The following NUBPL variants were observed in gnomAD, a reference collection of about 807,000 sequenced individuals.
NUBPL encodes the protein NUBP iron-sulfur cluster assembly factor, mitochondrial, also known as iron-sulfur cluster transfer protein NUBPL.
A neutral mutation model predicts 45.7 loss-of-function variants in NUBPL; 31 were observed. The ratio of observed to expected loss-of-function variants is 0.68; its 90% confidence interval spans 0.51 to 0.92. The LOEUF (loss-of-function observed/expected upper bound fraction) is 0.92, where lower values mean the gene tolerates loss of function less well. Among genes scored for constraint, NUBPL ranks in the 40% least tolerant of loss-of-function variants. The pLI, the probability that NUBPL is intolerant of heterozygous loss-of-function variation, is 0.00. For synonymous variants in NUBPL, 144 were observed against 140.9 expected, an observed-to-expected ratio of 1.02 and a Z score of -0.15; for missense variants, 401 against 398.7, an observed-to-expected ratio of 1.01 and a Z score of -0.05.
intron 6 of NUBPL, among the ~76,000 whole-genome samples, chr14:31,779,132 G>A (rs538069807): frequency 1.1e-3 from 169 of 151,926 alleles, no homozygotes; most frequent in African/African-American, 3.5e-3. Flanking sequence ...ACCTGAGGTC[G>A]TGAGTTTGAG....
chr14:31,620,418 A>G (rs766474819), intron 4 of NUBPL, among the ~76,000 whole-genome samples: 11 of 152,066 alleles, frequency 7.2e-5, no homozygotes, highest in Non-Finnish European at 1.5e-4. Context: ...TTGTGGATTT[A>G]TCTACCTTTT....
chr14:31,656,919 AG>A (rs1484692139), intron 4 of NUBPL, among the ~76,000 whole-genome samples: 1 of 152,250 alleles, frequency 6.6e-6, no homozygotes, highest in Non-Finnish European at 1.5e-5. Context: ...ATAAAACAAA[AG>A]TATGCCTGTA....
At chr14:31,594,765 T>C (rs936600280) in intron 3 of NUBPL, among the ~76,000 whole-genome samples, 5 of 152,228 alleles carry the variant, frequency 3.3e-5, no homozygotes, top group Admixed American at 6.5e-5. Flanking sequence ...ATTCTTATGA[T>C]TGGCAGCTTG....
chr14:31,805,256 C>T (rs1159592369), intron 7 of NUBPL, among the ~76,000 whole-genome samples: 1 of 152,002 alleles, frequency 6.6e-6, no homozygotes, highest in Admixed American at 6.6e-5. Flanking sequence ...AATACAAAGT[C>T]GAAAAATAAC....
At chr14:31,663,099 T>C (rs562110580) in intron 4 of NUBPL, among the ~76,000 whole-genome samples, 1 of 152,378 alleles carries the variant, frequency 6.6e-6, no homozygotes, top group East Asian at 1.9e-4. Context: ...GTTTTTTTCT[T>C]GTAAATTTGT....
intron 6 of NUBPL, among the ~76,000 whole-genome samples, chr14:31,704,412 C>T (rs911272951): frequency 6.6e-6 from 1 of 152,122 alleles, no homozygotes; most frequent in Non-Finnish European, 1.5e-5. Flanking sequence ...GCCTGTAATC[C>T]CAGCACATTG....
intron 8 of NUBPL, among the ~76,000 whole-genome samples, chr14:31,841,957 G>A (rs1222365942): frequency 6.6e-5 from 4 of 60,984 alleles, no homozygotes; most frequent in Admixed American, 1.8e-4. Flanking sequence ...TTGAGACGGG[G>A]TCTTCCTCTG....
At chr14:31,750,445 C>A (rs2038501703) in intron 6 of NUBPL, among the ~76,000 whole-genome samples, 7 of 151,482 alleles carry the variant, frequency 4.6e-5, no homozygotes, top group Admixed American at 4.6e-4. Flanking sequence ...GATCCTCCCG[C>A]CTCGGCCTCC....
chr14:31,775,143 C>T (rs1712634006), intron 6 of NUBPL, among the ~76,000 whole-genome samples: 1 of 152,166 alleles, frequency 6.6e-6, no homozygotes, highest in African/African-American at 2.4e-5. Context: ...AGTGGCTGGG[C>T]ATGGTGGCTC....
intron 6 of NUBPL, among the ~76,000 whole-genome samples, chr14:31,682,277 C>G (rs369763439): frequency 1.1e-4 from 17 of 152,272 alleles, no homozygotes; most frequent in African/African-American, 4.1e-4. Context: ...AAATACTCCT[C>G]TATATCTCTG....
chr14:31,727,692 G>A (rs980717691), intron 6 of NUBPL, among the ~76,000 whole-genome samples: 20 of 152,148 alleles, frequency 1.3e-4, no homozygotes, highest in South Asian at 6.2e-4. Flanking sequence ...TAGTTTGTAC[G>A]TCTTGACTCC....
Position 31,860,327 on chromosome 14 carries a change from A to T in NUBPL, c.*1147A>T, listed in dbSNP as rs890941079. Reference sequence around the variant, plus strand: ...CAAAAAAAAAAAAAAAAAAAAAAAAAGTCGGGGGAGATGCAATATTTAGCA... The same window carrying T: ...CAAAAAAAAAAAAAAAAAAAAAAAATGTCGGGGGAGATGCAATATTTAGCA... On this transcript the variant is annotated 3_prime_UTR_variant, in exon 11 of 11. Coordinates refer to ENST00000281081, the MANE Select transcript of NUBPL (RefSeq NM_025152.3). The T allele has an allele frequency of 3.6e-5, 5 of 140,302 alleles. No individual in the cohort carries two copies. Among genetic ancestry groups the T allele is most frequent in the African/African-American group, 1.4e-4 (5 of 35,402 alleles). 8.7% of individuals were successfully genotyped at this position (140,302 alleles called of 1,614,324 possible). A position where few individuals can be genotyped will look rare whatever the true frequency, so the allele number is the denominator to read the frequency against.
chr14:31,742,036 C>A (rs928867921), intron 6 of NUBPL, among the ~76,000 whole-genome samples: 2 of 151,938 alleles, frequency 1.3e-5, no homozygotes, highest in Non-Finnish European at 2.9e-5. Flanking sequence ...TCTCCCTCCC[C>A]CTAAAAAAGC....
chr14:31,682,190 AT>A (rs980184933), intron 6 of NUBPL, among the ~76,000 whole-genome samples: 1 of 151,902 alleles, frequency 6.6e-6, no homozygotes, highest in Non-Finnish European at 1.5e-5. Context: ...TACTTAATAT[AT>A]TTTGGAGTTC....
intron 4 of NUBPL, among the ~76,000 whole-genome samples, chr14:31,654,888 T>C (rs950490128): frequency 2.6e-5 from 4 of 152,224 alleles, no homozygotes; most frequent in Admixed American, 2.0e-4. Context: ...ATTAAGTTTA[T>C]ATAACATTCT....
At chr14:31,645,778 C>G (rs1038972046) in intron 4 of NUBPL, among the ~76,000 whole-genome samples, 6 of 130,902 alleles carry the variant, frequency 4.6e-5, no homozygotes, top group African/African-American at 2.8e-5. Flanking sequence ...CTTTACACCC[C>G]CCCCCCCACA....
At chr14:31,583,653 G>T (rs934333708) in intron 3 of NUBPL, among the ~76,000 whole-genome samples, 1 of 152,240 alleles carries the variant, frequency 6.6e-6, no homozygotes, top group Middle Eastern at 3.4e-3. Flanking sequence ...GTATAAAACC[G>T]GTCAGATTTT....
Position 31,861,155 on chromosome 14 carries a change from C to T in NUBPL, c.*1975C>T, listed in dbSNP as rs2040707343. ...ATTGGGTGAAGGGCACATGGAATCT[C>T]TGTATTATTTCAACTGCATGTAAAT... On this transcript the variant is annotated 3_prime_UTR_variant, in exon 11 of 11. Transcript: ENST00000281081. 6.6e-6 allele frequency: 1 copy of T among 152,108 alleles called. No individual in the cohort carries two copies. The highest frequency in any genetic ancestry group is 1.5e-5 in the Non-Finnish European group (1 of 68,024). 9.4% of individuals were successfully genotyped at this position (152,108 alleles called of 1,614,324 possible).
rs145204779 is a variant in NUBPL at position 31,617,447 on chromosome 14, T to C, written c.382+18068T>C. On this transcript the variant is annotated intron_variant, in intron 4 of 10. Transcript: ENST00000281081. ...TAGCTCTTATTATTTTGAGATATGT[T>C]CCATCAATACCTAGTTTATTGAGAG... is the stretch of plus-strand genomic sequence containing the variant. Among the ~76,000 whole-genome samples, 1,421 of 152,294 alleles carry C rather than the reference T, an allele frequency of 9.3e-3. 12 individuals are homozygous for C. Among genetic ancestry groups the C allele is most frequent in the Middle Eastern group, 0.024 (7 of 294 alleles).
Sources: gnomAD v4.1 joint callset for allele counts (sites outside exome capture counted in the v4.1 genomes callset) on GRCh38, gnomAD v4.1.1 for gene constraint, MANE v1.5 for transcripts, NCBI Gene and HGNC (gene_info 2026-07-23, HGNC 2026-07-21) for gene names.